Variants in EML6 observed in about 807,000 individuals in gnomAD.
The protein encoded by EML6 is EMAP like 6.
In EML6, 154 loss-of-function variants were observed where a neutral mutation model predicts 240.1. The ratio of observed to expected loss-of-function variants is 0.64; its 90% CI spans 0.56 to 0.73. The LOEUF is 0.73. Ranked by LOEUF, EML6 falls within the 30% of genes least tolerant of loss-of-function variation. The pLI, the probability that EML6 is intolerant of heterozygous loss-of-function variation, is 0.00. For synonymous variants in EML6, 1,148 were observed against 899.0 expected, an observed-to-expected ratio of 1.28 and a Z score of -4.95; for missense variants, 2,964 against 2,474.6, an observed-to-expected ratio of 1.20 and a Z score of -4.20.
At position 54,863,801 on chromosome 2, in the gene EML6, A is replaced by G. The variant is rs189536533; in HGVS notation, c.1844A>G (p.Tyr615Cys). 8 of 1,544,886 alleles carry G rather than the reference A, an allele frequency of 5.2e-6. No individual in the cohort carries two copies. The highest frequency in any genetic ancestry group is 1.2e-5 in the South Asian group (1 of 83,230). ...TAPQEGGADS[Y>C]SEESDSDLSD... ...TCTGCAGAAGGTGGAGCTGATTCCT[A>G]CAGTGAAGAATCTGATTCAGATTTA... Residue 615 changes from tyrosine to cysteine, a missense_variant, in exon 13 of 42, where the codon TAC becomes TGC. Transcript: ENST00000356458.
chr2:54,875,210 T>C (rs1489619870), intron 16 of EML6, among the ~76,000 whole-genome samples: 1 of 152,092 alleles, frequency 6.6e-6, no homozygotes, highest in Non-Finnish European at 1.5e-5. Flanking sequence ...TGAAGAGAGA[T>C]CCCGTTCTAA....
chr2:54,960,106 C>T, intron 34 of EML6, 114 bp from the exon 35 acceptor site: 1 of 775,630 alleles, frequency 1.3e-6, no homozygotes, highest in Non-Finnish European at 2.1e-6. Flanking sequence ...GTCTTTCCTT[C>T]TGGGCCCCAA....
At chr2:54,863,975 C>A (rs1670826530) in intron 13 of EML6, 86 bp downstream of exon 13, 6 of 702,186 alleles carry the variant, frequency 8.5e-6, no homozygotes, top group Non-Finnish European at 1.4e-5. Flanking sequence ...AAATGACTGG[C>A]ACTTAGACAA....
chr2:54,846,788 C>G (rs1031476770), intron 8 of EML6, among the ~76,000 whole-genome samples: 2 of 151,442 alleles, frequency 1.3e-5, no homozygotes, highest in African/African-American at 4.9e-5. Flanking sequence ...CTGGCGCATA[C>G]TTTTTAAAAA....
At chr2:54,900,417 A>C (rs1573103543) in intron 22 of EML6, among the ~76,000 whole-genome samples, 2 of 152,206 alleles carry the variant, frequency 1.3e-5, no homozygotes, top group Admixed American at 1.3e-4. Context: ...GACTATTTAT[A>C]TAAAGGGATG....
chr2:54,837,011 G>A (rs1450019865), intron 7 of EML6, among the ~76,000 whole-genome samples: 3 of 152,150 alleles, frequency 2.0e-5, no homozygotes, highest in Admixed American at 6.5e-5. Flanking sequence ...AGGGCGGGGG[G>A]TTTTGAAGAT....
rs1572911552 is a variant in EML6 at position 54,797,159 on chromosome 2, C to T, written c.198-16073C>T. On this transcript the variant is annotated intron_variant, in intron 2 of 41. Transcript: ENST00000356458. Reference sequence around the variant, plus strand: ...CAGCCTGGGTGACAGAGCAAGACTCCATCTCAAAAAAAAAAAAAAAAAAAA... The same window carrying T: ...CAGCCTGGGTGACAGAGCAAGACTCTATCTCAAAAAAAAAAAAAAAAAAAA... Among the ~76,000 whole-genome samples the T allele has an allele frequency of 1.0e-4, 3 of 28,692 alleles. No individual in the cohort carries two copies. In the South Asian group the frequency reaches 4.6e-3, roughly 44 times the overall value. 18.8% of individuals were successfully genotyped at this position (28,692 alleles called of 152,430 possible). A position where few individuals can be genotyped will look rare whatever the true frequency, so the allele number is the denominator to read the frequency against.
intron 26 of EML6, 149 bp from the exon 27 acceptor site, chr2:54,928,164 C>G: frequency 1.5e-6 from 1 of 683,844 alleles, no homozygotes; most frequent in Non-Finnish European, 2.6e-6. Flanking sequence ...GACCTAGTGC[C>G]TGCCCACATG....
At chr2:54,747,220 G>GGTGGGTAAAA (rs1410331735) in intron 2 of EML6, 1 of 152,210 alleles carries the variant, frequency 6.6e-6, no homozygotes, top group Non-Finnish European at 1.5e-5. Context: ...CCACTGTGTT[G>GGTGGGTAAAA]GTGGGTAAAA....
intron 16 of EML6, among the ~76,000 whole-genome samples, chr2:54,874,128 G>A (rs1436182022): frequency 1.3e-5 from 2 of 152,102 alleles, no homozygotes; most frequent in African/African-American, 4.8e-5. Context: ...AAATACCTTT[G>A]GAAGAAGAGA....
chr2:54,792,570 A>C (rs73936468), intron 2 of EML6, among the ~76,000 whole-genome samples: 10,245 of 152,272 alleles, frequency 0.067, 1,119 homozygotes, highest in African/African-American at 0.23. Context: ...GAGGTGATAG[A>C]ACTGTTGCGT....
chr2:54,749,136 C>T (rs577756312), intron 2 of EML6, among the ~76,000 whole-genome samples: 33 of 152,296 alleles, frequency 2.2e-4, no homozygotes, highest in African/African-American at 6.3e-4. Context: ...AATGATATTC[C>T]TGACGGCTTC....
At chr2:54,810,361 G>A (rs548588224) in intron 2 of EML6, among the ~76,000 whole-genome samples, 12 of 152,148 alleles carry the variant, frequency 7.9e-5, no homozygotes, top group Admixed American at 4.6e-4. Context: ...ACTAAGGCTC[G>A]TAAGTTATTT....
intron 24 of EML6, among the ~76,000 whole-genome samples, chr2:54,910,185 C>T (rs1673566783): frequency 6.6e-6 from 1 of 152,094 alleles, no homozygotes. Context: ...GTTCTTTATA[C>T]TCTTCTTCTA....
At chr2:54,966,265 A>C (rs1676742921) in intron 38 of EML6, among the ~76,000 whole-genome samples, 1 of 152,244 alleles carries the variant, frequency 6.6e-6, no homozygotes, top group Non-Finnish European at 1.5e-5. Context: ...ATTTAAGCTG[A>C]GGTCTGCAGG....
At chr2:54,845,885 C>T (rs967994543) in intron 8 of EML6, among the ~76,000 whole-genome samples, 8 of 152,164 alleles carry the variant, frequency 5.3e-5, no homozygotes, top group African/African-American at 1.9e-4. Context: ...GCTCTAGGTT[C>T]TCAGTCTCCC....
At position 54,813,308 on chromosome 2, in the gene EML6, T is replaced by A. The variant is rs1322912454; in HGVS notation, c.274T>A (p.Ser92Thr). Residue 92 changes from serine to threonine, a missense_variant, in exon 3 of 42, where the codon TCC becomes ACC. Transcript: ENST00000356458. The stretch of plus-strand genomic sequence containing the variant: ...GGAGCCATATATATGCATATGGGAT[T>A]CCTATAATGTCCAGACTGTGTCTCT... ...GKEPYICIWD[S>T]YNVQTVSLLK... 2 of 1,550,774 alleles carry A rather than the reference T, an allele frequency of 1.3e-6. No individual in the cohort carries two copies.
intron 2 of EML6, among the ~76,000 whole-genome samples, chr2:54,736,086 A>G (rs755584102): frequency 6.6e-6 from 1 of 152,204 alleles, no homozygotes; most frequent in Non-Finnish European, 1.5e-5. Context: ...GCTCAATGTT[A>G]CCAGAATGAC....
intron 7 of EML6, among the ~76,000 whole-genome samples, chr2:54,832,936 A>C (rs1014929797): frequency 6.6e-6 from 1 of 152,232 alleles, no homozygotes; most frequent in Non-Finnish European, 1.5e-5. Flanking sequence ...TTTTTATAAG[A>C]ACTATCTTGA....
Sources: gnomAD v4.1 joint callset for allele counts (sites outside exome capture counted in the v4.1 genomes callset) on GRCh38, gnomAD v4.1.1 for gene constraint, MANE v1.5 for transcripts, NCBI Gene and HGNC (gene_info 2026-07-23, HGNC 2026-07-21) for gene names.